Variants in ZNF780B observed in about 807,000 individuals in gnomAD.
The protein encoded by ZNF780B is zinc finger protein 780B.
Under a neutral mutation model 74.1 loss-of-function variants are expected in ZNF780B, and 52 were observed. The ratio of observed to expected loss-of-function variants is 0.70; its 90% CI spans 0.56 to 0.88. ZNF780B has a LOEUF of 0.88. Ranked by LOEUF, ZNF780B falls within the 40% of genes least tolerant of loss-of-function variation. The probability of loss-of-function intolerance (pLI) is 0.00; values close to 1 mark genes in which losing one functional copy is unlikely to be tolerated. For missense variants in ZNF780B, 953 were observed against 1,007.6 expected, an observed-to-expected ratio of 0.95 and a Z score of 0.73; for synonymous variants, 315 against 324.3, an observed-to-expected ratio of 0.97 and a Z score of 0.31.
At position 40,032,679 on chromosome 19, in the gene ZNF780B, C is replaced by T. The variant is rs1011392378; in HGVS notation, c.*1678G>A. 1 of 146,786 alleles carries T rather than the reference C, an allele frequency of 6.8e-6. No individual in the cohort carries two copies. The highest frequency in any genetic ancestry group is 2.6e-5 in the African/African-American group (1 of 38,528). 9.1% of individuals were successfully genotyped at this position (146,786 alleles called of 1,614,324 possible). A position where few individuals can be genotyped will look rare whatever the true frequency, so the allele number is the denominator to read the frequency against. On this transcript the variant is annotated 3_prime_UTR_variant, in exon 5 of 5. Transcript: ENST00000434248. ...CTTGCAGTGAGCCCAGATCGCACCACTGCACTCCAGTCTGGGCGACAGAGC... is the reference window on the plus strand; with the variant it reads ...CTTGCAGTGAGCCCAGATCGCACCATTGCACTCCAGTCTGGGCGACAGAGC...
At chr19:40,039,042 T>C (rs1036180223) in intron 4 of ZNF780B, among the ~76,000 whole-genome samples, 1 of 152,210 alleles carries the variant, frequency 6.6e-6, no homozygotes, top group Non-Finnish European at 1.5e-5. Context: ...TTTATGGTTT[T>C]AGGTCTAACA....
rs939172777 is a variant in ZNF780B, at chr19:40,034,758, C to G, written c.2101G>C (p.Glu701Gln). 1 of 1,613,688 alleles carries G rather than the reference C, an allele frequency of 6.2e-7. No individual in the cohort carries two copies. The highest frequency in any genetic ancestry group is 1.3e-5 in the African/African-American group (1 of 74,790). The change falls in exon 5 of 5, where the codon GAG becomes CAG. Residue 701 changes from glutamate (E) to glutamine (Q), a missense_variant. Glu to Gln is a conservative substitution (Grantham distance 29). Transcript: ENST00000434248. ...TGATATCTAAAGGTCTTCCTACACTCCTTACATACAAAGGGTTTCGCACTG... is the reference window on the plus strand; with the variant it reads ...TGATATCTAAAGGTCTTCCTACACTGCTTACATACAAAGGGTTTCGCACTG... ...HSSAKPFVCKECRKTFRYHYQ... is the reference protein window; with the variant it reads ...HSSAKPFVCKQCRKTFRYHYQ...
chr19:40,054,055 G>T (rs1238853015), intron 1 of ZNF780B, among the ~76,000 whole-genome samples: 1 of 152,100 alleles, frequency 6.6e-6, no homozygotes, highest in Non-Finnish European at 1.5e-5. Context: ...CGGAAGGCTG[G>T]GGCAGGAGAA....
chr19:40,039,088 A>G (rs1381442746), intron 4 of ZNF780B, among the ~76,000 whole-genome samples: 3 of 151,892 alleles, frequency 2.0e-5, no homozygotes, highest in South Asian at 2.1e-4. Flanking sequence ...TAATTTTTGT[A>G]TAAGGTGTAA....
intron 4 of ZNF780B, among the ~76,000 whole-genome samples, chr19:40,037,070 G>A (rs572160793): frequency 2.4e-4 from 37 of 152,028 alleles, no homozygotes; most frequent in East Asian, 1.9e-4. Context: ...ATCTGCCACC[G>A]TGCCTGGCTA....
chr19:40,036,240 G>T lies in ZNF780B; in HGVS notation c.619C>A (p.Gln207Lys). Residue 207 changes from glutamine to lysine, a missense_variant, in exon 5 of 5, where the codon CAA becomes AAA. Transcript: ENST00000434248. ...ECGKAFQLHIQLTRHQKFHTG... is the reference protein window; with the variant it reads ...ECGKAFQLHIKLTRHQKFHTG... ...TGAAATTTCTGATGTCGAGTAAGTT[G>T]TATGTGAAGTTGAAAGGCTTTCCCA... 1 of 1,612,088 alleles carries T rather than the reference G, an allele frequency of 6.2e-7. No homozygotes were observed. The highest frequency in any genetic ancestry group is 1.3e-5 in the African/African-American group (1 of 74,896).
intron 4 of ZNF780B, among the ~76,000 whole-genome samples, chr19:40,037,367 C>T (rs1972389723): frequency 6.6e-6 from 1 of 152,152 alleles, no homozygotes; most frequent in African/African-American, 2.4e-5. Flanking sequence ...GCTACAGGCA[C>T]ATGCCACTAA....
chr19:40,036,267 A>T lies in ZNF780B; in HGVS notation c.592T>A (p.Cys198Ser). ...TGEKPYKCKE[C>S]GKAFQLHIQL... is the part of the protein sequence containing the mutation. ...ATGTGAAGTTGAAAGGCTTTCCCAC[A>T]TTCTTTGCATTTATAGGGTTTCTCT... is the stretch of plus-strand genomic sequence containing the variant. The change falls in exon 5 of 5, where the codon TGT becomes AGT. Residue 198 changes from cysteine to serine, a missense_variant. Transcript: ENST00000434248. The T allele has an allele frequency of 6.2e-7, 1 of 1,612,826 alleles. No homozygotes were observed.
intron 4 of ZNF780B, among the ~76,000 whole-genome samples, chr19:40,042,549 T>C (rs970998260): frequency 2.0e-5 from 3 of 152,226 alleles, no homozygotes; most frequent in Non-Finnish European, 4.4e-5. Context: ...CAATGAGACG[T>C]AGATTTGGTC....
chr19:40,048,593 C>T (rs1973053325), intron 3 of ZNF780B, 77 bp downstream of exon 3: 2 of 1,607,602 alleles, frequency 1.2e-6, no homozygotes, highest in Non-Finnish European at 1.7e-6. Flanking sequence ...TCTTAAAAGA[C>T]AGCCCTGAAA....
chr19:40,042,153 C>T (rs1972674710), intron 4 of ZNF780B, among the ~76,000 whole-genome samples: 1 of 152,192 alleles, frequency 6.6e-6, no homozygotes, highest in South Asian at 2.1e-4. Context: ...TTTTATTTCT[C>T]CTTCACTTAT....
Position 40,028,272 on chromosome 19 carries a change from T to G in ZNF780B, c.*6085A>C, listed in dbSNP as rs553817001. ...GGCAAGGTTTTTATACATTTTTTTT[T>G]GCCAGTTTTATTAGAAAATGAGTTT... On this transcript the variant is annotated 3_prime_UTR_variant, in exon 5 of 5. Transcript: ENST00000434248. 2.0e-5 allele frequency: 3 copies of G among 152,334 alleles called. No individual in the cohort carries two copies. The highest frequency in any genetic ancestry group is 4.4e-5 in the Non-Finnish European group (3 of 68,036). The allele number at this position is 152,334 out of a possible 1,614,324, so 9.4% of individuals were successfully genotyped here.
At chr19:40,053,657 C>A (rs1399623058) in intron 1 of ZNF780B, among the ~76,000 whole-genome samples, 3 of 152,116 alleles carry the variant, frequency 2.0e-5, no homozygotes, top group Non-Finnish European at 4.4e-5. Context: ...TGGAATCAAT[C>A]TAACTGTCTA....
chr19:40,039,392 C>T (rs1405170641), intron 4 of ZNF780B, among the ~76,000 whole-genome samples: 17 of 151,998 alleles, frequency 1.1e-4, no homozygotes, highest in African/African-American at 3.6e-4. Flanking sequence ...CTTGGTGATG[C>T]GGGCTCTTTT....
Position 40,032,062 on chromosome 19 carries a change from A to T in ZNF780B, c.*2295T>A. 1 of 456,378 alleles carries T rather than the reference A, an allele frequency of 2.2e-6. No homozygotes were observed. The highest frequency in any genetic ancestry group is 1.5e-5 in the South Asian group (1 of 64,552). The allele number at this position is 456,378 out of a possible 1,614,324, so 28.3% of individuals were successfully genotyped here. On this transcript the variant is annotated 3_prime_UTR_variant, in exon 5 of 5. Transcript: ENST00000434248. ...CCTCTGGACTTACTTTCCCTTGTAA[A>T]GAAAATACAACCAAGAACAAGGCTA...
chr19:40,030,551 G>A lies in ZNF780B; in HGVS notation c.*3806C>T, dbSNP rs554621344. The A allele has an allele frequency of 6.6e-6, 1 of 152,282 alleles. No homozygotes were observed. Among genetic ancestry groups the A allele is most frequent in the South Asian group, 2.1e-4 (1 of 4,828 alleles). 9.4% of individuals were successfully genotyped at this position (152,282 alleles called of 1,614,324 possible). Reference sequence around the variant, plus strand: ...ACTATTATAAAGCTGAAAATTATAAGTCAAACCATTTTAAGTTGGGGATTA... The same window carrying A: ...ACTATTATAAAGCTGAAAATTATAAATCAAACCATTTTAAGTTGGGGATTA... On this transcript the variant is annotated 3_prime_UTR_variant, in exon 5 of 5. Transcript: ENST00000434248.
In ZNF780B at chr19:40,031,820, C is replaced by T. The variant is rs1238567290; in HGVS notation, c.*2537G>A. 7.4e-6 allele frequency: 2 copies of T among 269,950 alleles called. No homozygotes were observed. The highest frequency in any genetic ancestry group is 4.4e-5 in the African/African-American group (2 of 45,460). The allele number at this position is 269,950 out of a possible 1,614,324, so 16.7% of individuals were successfully genotyped here. A position where few individuals can be genotyped will look rare whatever the true frequency, so the allele number is the denominator to read the frequency against. The stretch of plus-strand genomic sequence containing the variant: ...AGGGCTTAAGTACACGTGACTATAA[C>T]TTTTCAGAGATGACAACGTCTCTCC... On this transcript the variant is annotated 3_prime_UTR_variant, in exon 5 of 5. Coordinates refer to ENST00000434248, the MANE Select transcript of ZNF780B (RefSeq NM_001005851.3).
chr19:40,037,769 A>G (rs937013665), intron 4 of ZNF780B, among the ~76,000 whole-genome samples: 1 of 152,086 alleles, frequency 6.6e-6, no homozygotes, highest in East Asian at 1.9e-4. Context: ...CCCTCCTTTT[A>G]GCAACCAGAA....
chr19:40,054,227 G>C (rs1205617436), intron 1 of ZNF780B, among the ~76,000 whole-genome samples: 1 of 152,202 alleles, frequency 6.6e-6, no homozygotes, highest in African/African-American at 2.4e-5. Flanking sequence ...TAATGTGGGT[G>C]AGGGAGGGAA....
Sources: gnomAD v4.1 joint callset for allele counts (sites outside exome capture counted in the v4.1 genomes callset) on GRCh38, gnomAD v4.1.1 for gene constraint, MANE v1.5 for transcripts, NCBI Gene and HGNC (gene_info 2026-07-23, HGNC 2026-07-21) for gene names.